Variants in OCM observed in about 807,000 individuals in gnomAD.
The protein encoded by OCM is oncomodulin-1.
Under a neutral mutation model 14.1 loss-of-function variants are expected in OCM, and 18 were observed. The ratio of observed to expected loss-of-function variants is 1.28; its 90% confidence interval spans 0.88 to 1.89. The LOEUF is 1.89. Ranked by LOEUF, OCM falls within the 40% of genes most tolerant of loss-of-function variation. OCM has a pLI of 0.00. For missense variants in OCM, 140 were observed against 137.6 expected, an observed-to-expected ratio of 1.02 and a Z score of -0.09; for synonymous variants, 48 against 51.0, an observed-to-expected ratio of 0.94 and a Z score of 0.25.
the OCM span, among the ~76,000 whole-genome samples, chr7:5,860,780 G>A: frequency 1.9e-4 from 24 of 123,922 alleles, no homozygotes; most frequent in South Asian, 2.2e-3. Flanking sequence ...GTATATATAC[G>A]TGTATATATA....
At chr7:5,859,800 C>T in the OCM span, among the ~76,000 whole-genome samples, 1 of 151,990 alleles carries the variant, frequency 6.6e-6, no homozygotes. Context: ...CGGGTTCAAG[C>T]GATTCTCCTG....
At chr7:5,860,461 TTAC>T in the OCM span, among the ~76,000 whole-genome samples, 1 of 111,446 alleles carries the variant, frequency 9.0e-6, no homozygotes. Context: ...ATGTATATTA[TTAC>T]GTATATATAC....
chr7:5,865,987 A>G, the OCM span, among the ~76,000 whole-genome samples: 1 of 152,076 alleles, frequency 6.6e-6, no homozygotes, highest in Non-Finnish European at 1.5e-5. Flanking sequence ...AGGGCAGTTT[A>G]AGGGCTATTC....
At chr7:5,862,113 T>G in the OCM span, among the ~76,000 whole-genome samples, 1 of 152,122 alleles carries the variant, frequency 6.6e-6, no homozygotes, top group Non-Finnish European at 1.5e-5. Flanking sequence ...TAAGCATCTT[T>G]TCATGTGCTC....
At chr7:5,880,680 G>A (rs138214503), upstream of OCM, 36,390 of 493,054 alleles carry the variant, frequency 0.074, 2,369 homozygotes, top group East Asian at 0.24. Context: ...AATCACTTGA[G>A]CCCAGGAGGC....
chr7:5,883,768 AG>A (rs1583172248), intron 2 of OCM, 121 bp from the exon 3 acceptor site: 2 of 1,127,278 alleles, frequency 1.8e-6, no homozygotes, highest in East Asian at 5.1e-5. Context: ...TTGCTTGCTA[AG>A]ACCTTGGTTA....
the OCM span, among the ~76,000 whole-genome samples, chr7:5,860,117 C>G: frequency 6.6e-6 from 1 of 151,802 alleles, no homozygotes; most frequent in African/African-American, 2.4e-5. Context: ...AATATGGGAC[C>G]CTGGAGCGAG....
the OCM span, among the ~76,000 whole-genome samples, chr7:5,864,579 G>C: frequency 5.3e-5 from 8 of 152,202 alleles, 1 homozygote; most frequent in South Asian, 2.1e-4. Context: ...AATTCAGCAT[G>C]TCCTGGTTTT....
intron 2 of OCM, 137 bp downstream of exon 2, chr7:5,882,762 G>A (rs1645315757): frequency 9.8e-7 from 1 of 1,021,866 alleles, no homozygotes; most frequent in Non-Finnish European, 1.4e-6. Context: ...TTAAAGCAAA[G>A]GACATGAGTC....
chr7:5,884,260 C>A (rs1204923690), intron 3 of OCM, among the ~76,000 whole-genome samples: 9 of 152,254 alleles, frequency 5.9e-5, no homozygotes, highest in African/African-American at 2.2e-4. Flanking sequence ...CTTCACCTGA[C>A]TAGGGGACTA....
the OCM span, among the ~76,000 whole-genome samples, chr7:5,860,433 G>A: frequency 0.013 from 1,620 of 121,920 alleles, 55 homozygotes; most frequent in Non-Finnish European, 0.02. Flanking sequence ...ACGTATATAT[G>A]CGTGTATATA....
At chr7:5,866,907 T>C in the OCM span, among the ~76,000 whole-genome samples, 6 of 152,212 alleles carry the variant, frequency 3.9e-5, no homozygotes, top group Non-Finnish European at 8.8e-5. Context: ...GTCCTGTGTC[T>C]ATAAATATAT....
chr7:5,870,912 GT>G, the OCM span, among the ~76,000 whole-genome samples: 4 of 150,628 alleles, frequency 2.7e-5, no homozygotes, highest in East Asian at 7.8e-4. Flanking sequence ...TTTAGACTGA[GT>G]TTCGCTCTTG....
chr7:5,882,999 C>T (rs531869779), intron 2 of OCM, among the ~76,000 whole-genome samples: 2 of 151,938 alleles, frequency 1.3e-5, no homozygotes, highest in African/African-American at 4.8e-5. Flanking sequence ...CCTGCCACCA[C>T]ATCCAGCTCA....
upstream of OCM, among the ~76,000 whole-genome samples, chr7:5,879,453 C>G (rs900907551): frequency 2.0e-5 from 3 of 152,210 alleles, no homozygotes; most frequent in Admixed American, 6.5e-5. Context: ...TTGAGTCTGT[C>G]AACTCCAGAC....
chr7:5,877,477 A>G (rs548539273), upstream of OCM, among the ~76,000 whole-genome samples: 1 of 152,070 alleles, frequency 6.6e-6, no homozygotes, highest in Non-Finnish European at 1.5e-5. Context: ...ACAAATAAAA[A>G]TAAAAATGAA....
the OCM span, among the ~76,000 whole-genome samples, chr7:5,866,394 AAGGAAAGAAGGAAGGGG>A: frequency 1.3e-3 from 67 of 52,088 alleles, no homozygotes; most frequent in East Asian, 0.025. Context: ...GGAAGAGAGG[AAGGAAAGAAGGAAGGGG>A]GGGAGAGAAG....
chr7:5,871,224 G>A, the OCM span, among the ~76,000 whole-genome samples: 10 of 151,696 alleles, frequency 6.6e-5, no homozygotes, highest in Non-Finnish European at 1.2e-4. Flanking sequence ...GTATGGCGGC[G>A]TGTGCCCATA....
At chr7:5,882,462 G>T in intron 1 of OCM, 31 bp from the exon 2 acceptor site, 1 of 1,599,200 alleles carries the variant, frequency 6.3e-7, no homozygotes, top group Non-Finnish European at 8.5e-7. Context: ...GATCCAACAA[G>T]CGTCAGAATA....
Sources: allele counts gnomAD v4.1 joint callset (sites outside exome capture counted in the v4.1 genomes callset), GRCh38; gene constraint gnomAD v4.1.1; transcripts MANE v1.5; gene names NCBI Gene and HGNC (gene_info 2026-07-23, HGNC 2026-07-21).